The following PPM1E variants were observed in gnomAD, a reference collection of about 807,000 sequenced individuals.
PPM1E encodes protein phosphatase 1E.
Under a neutral mutation model 65.9 loss-of-function variants are expected in PPM1E, and 20 were observed. The ratio of observed to expected loss-of-function variants is 0.30; its 90% CI spans 0.21 to 0.44. PPM1E has a LOEUF of 0.44. PPM1E is among the 20% of genes least tolerant of loss of function. The pLI, the probability that PPM1E is intolerant of heterozygous loss-of-function variation, is 1.00. For missense variants in PPM1E, 713 were observed against 953.1 expected (o/e 0.75, Z 3.32); for synonymous variants, 352 against 374.9 (o/e 0.94, Z 0.70).
chr17:58,899,432 C>T (rs560831784), intron 1 of PPM1E: 1 of 203,646 alleles, frequency 4.9e-6, no homozygotes, highest in Non-Finnish European at 1.1e-5. Flanking sequence ...CTGCCAAAAC[C>T]TTAGATAAGG....
At chr17:58,913,540 G>A (rs116899724) in intron 1 of PPM1E, among the ~76,000 whole-genome samples, 13 of 152,274 alleles carry the variant, frequency 8.5e-5, no homozygotes, top group East Asian at 1.9e-4. Context: ...TGTAATAAAC[G>A]TAGAGCCAGC....
At chr17:58,937,892 A>AAAAAAAAAAAAAAAG (rs57965915) in intron 1 of PPM1E, among the ~76,000 whole-genome samples, 56 of 129,772 alleles carry the variant, frequency 4.3e-4, no homozygotes, top group Non-Finnish European at 6.2e-4. Context: ...AAAAAAAAAA[A>AAAAAAAAAAAAAAAG]AAAGAAAGAA....
intron 1 of PPM1E, among the ~76,000 whole-genome samples, chr17:58,823,494 G>C (rs576101767): frequency 4.4e-4 from 67 of 152,240 alleles, no homozygotes; most frequent in African/African-American, 1.5e-3. Context: ...ATAGGAGAAT[G>C]AATCTTATGC....
chr17:58,966,554 T>C (rs2030268699), intron 3 of PPM1E: 1 of 169,036 alleles, frequency 5.9e-6, no homozygotes, highest in African/African-American at 2.4e-5. Context: ...GTTTATTTCA[T>C]GTGATTTTCT....
chr17:58,787,485 A>G (rs1003864602), intron 1 of PPM1E, among the ~76,000 whole-genome samples: 1 of 152,032 alleles, frequency 6.6e-6, no homozygotes, highest in Admixed American at 6.6e-5. Flanking sequence ...TGGAGATTTA[A>G]TAATTCGTTA....
In PPM1E at chr17:58,982,589, T is replaced by C; in HGVS notation, c.*1558T>C. ...ATTTTAAAGACACAGATGACTGGCA[T>C]ATTTTGGATACCAGTATAGCTATAT... On this transcript the variant is annotated 3_prime_UTR_variant, in exon 7 of 7. Transcript: ENST00000308249. 1 of 280,440 alleles carries C rather than the reference T, an allele frequency of 3.6e-6. No individual in the cohort carries two copies. The highest frequency in any genetic ancestry group is 7.2e-5 in the East Asian group (1 of 13,820). 17.4% of individuals were successfully genotyped at this position (280,440 alleles called of 1,614,324 possible).
chr17:58,805,384 G>A (rs1306747435), intron 1 of PPM1E, among the ~76,000 whole-genome samples: 3 of 152,036 alleles, frequency 2.0e-5, no homozygotes, highest in African/African-American at 4.8e-5. Flanking sequence ...CCGAGTAACT[G>A]GGATTACAGG....
intron 1 of PPM1E, among the ~76,000 whole-genome samples, chr17:58,863,425 C>G (rs879604341): frequency 1.3e-5 from 2 of 152,208 alleles, no homozygotes; most frequent in Admixed American, 1.3e-4. Flanking sequence ...TGTGCAGGCC[C>G]CACAGCAGGA....
intron 1 of PPM1E, among the ~76,000 whole-genome samples, chr17:58,760,440 C>T (rs1204841765): frequency 1.3e-5 from 2 of 152,092 alleles, no homozygotes; most frequent in African/African-American, 4.8e-5. Context: ...CTGACTTCTC[C>T]TTTCACCTCT....
chr17:58,847,214 G>A (rs1278537651), intron 1 of PPM1E, among the ~76,000 whole-genome samples: 5 of 151,974 alleles, frequency 3.3e-5, no homozygotes, highest in Non-Finnish European at 7.4e-5. Context: ...CTCCCATTCT[G>A]TAGGTTGCCT....
intron 1 of PPM1E, among the ~76,000 whole-genome samples, chr17:58,878,753 A>G (rs377625562): frequency 1.3e-5 from 2 of 150,800 alleles, no homozygotes; most frequent in Non-Finnish European, 3.0e-5. Context: ...ACCAATATGG[A>G]GAAACCTAGT....
intron 1 of PPM1E, among the ~76,000 whole-genome samples, chr17:58,757,382 A>G (rs985541166): frequency 2.0e-5 from 3 of 152,242 alleles, no homozygotes; most frequent in African/African-American, 4.8e-5. Context: ...TCTGGTTTTT[A>G]TAGGCCTGAA....
intron 1 of PPM1E, among the ~76,000 whole-genome samples, chr17:58,834,351 C>G (rs2050633730): frequency 6.6e-6 from 1 of 152,006 alleles, no homozygotes; most frequent in Non-Finnish European, 1.5e-5. Context: ...TCTGTGGCTT[C>G]TTTTCTCATT....
At chr17:58,976,111 G>A (rs774196262) in intron 6 of PPM1E, among the ~76,000 whole-genome samples, 18 of 152,126 alleles carry the variant, frequency 1.2e-4, no homozygotes, top group East Asian at 1.9e-4. Context: ...TTTTTAGGAC[G>A]AGGAGATTTT....
At chr17:58,942,969 G>A (rs1254372819) in intron 1 of PPM1E, among the ~76,000 whole-genome samples, 2 of 151,984 alleles carry the variant, frequency 1.3e-5, no homozygotes, top group Non-Finnish European at 2.9e-5. Context: ...GCTGCAGTGA[G>A]CTATGATTGT....
Position 58,893,729 on chromosome 17 carries a change from C to A in PPM1E, c.465-61920C>A, listed in dbSNP as rs369591203. On this transcript the variant is annotated intron_variant, in intron 1 of 6. Coordinates refer to ENST00000308249, the MANE Select transcript of PPM1E (RefSeq NM_014906.5). ...TGTGGGCACAGGGATTATATGGGAACTCTCTGTACTTTATGCTTAATTTTG... is the reference window on the plus strand; with the variant it reads ...TGTGGGCACAGGGATTATATGGGAAATCTCTGTACTTTATGCTTAATTTTG... 7.2e-5 allele frequency among the ~76,000 whole-genome samples: 11 copies of A among 152,080 alleles called. No homozygotes were observed. In the South Asian group the frequency reaches 1.2e-3, roughly 17 times the overall value.
At chr17:58,923,298 AAAAAG>A (rs1269184244) in intron 1 of PPM1E, among the ~76,000 whole-genome samples, 269 of 151,062 alleles carry the variant, frequency 1.8e-3, no homozygotes, top group African/African-American at 5.9e-3. Flanking sequence ...AAAAAAAAAA[AAAAAG>A]AAAGAAAGAA....
At chr17:58,836,714 C>T (rs1479918760) in intron 1 of PPM1E, among the ~76,000 whole-genome samples, 22 of 150,452 alleles carry the variant, frequency 1.5e-4, no homozygotes, top group South Asian at 4.2e-4. Context: ...CTGCCTGCCT[C>T]GGCCTCCTAA....
intron 1 of PPM1E, among the ~76,000 whole-genome samples, chr17:58,935,317 C>T (rs1311841975): frequency 6.6e-6 from 1 of 151,170 alleles, no homozygotes; most frequent in South Asian, 2.1e-4. Context: ...AAAAGACATA[C>T]GGCATAAGAG....
Sources: gnomAD v4.1 joint callset for allele counts (sites outside exome capture counted in the v4.1 genomes callset) on GRCh38, gnomAD v4.1.1 for gene constraint, MANE v1.5 for transcripts, NCBI Gene and HGNC (gene_info 2026-07-23, HGNC 2026-07-21) for gene names.